Variants in ARHGEF40 observed in about 807,000 individuals in gnomAD.
The protein encoded by ARHGEF40 is Rho guanine nucleotide exchange factor 40, also known as Rho guanine nucleotide exchange factor (GEF) 40.
ARHGEF40 carries 98 observed loss-of-function variants against 165.9 expected under a neutral mutation model. The observed-to-expected ratio is 0.59, with a 90% CI of 0.50 to 0.70. ARHGEF40 has a LOEUF of 0.70. Ranked by LOEUF, ARHGEF40 falls within the 30% of genes least tolerant of loss-of-function variation. The pLI is 0.00. For synonymous variants in ARHGEF40, 792 were observed against 814.3 expected (o/e 0.97, Z 0.47); for missense variants, 1,815 against 1,968.0 (o/e 0.92, Z 1.47).
At chr14:21,081,379 G>A (rs1887879066) in intron 13 of ARHGEF40, 130 bp from the exon 14 acceptor site, 3 of 1,315,844 alleles carry the variant, frequency 2.3e-6, no homozygotes, top group Admixed American at 2.2e-5. Flanking sequence ...GTGGAACAGT[G>A]AGAAAACAGG....
Position 21,070,938 on chromosome 14 carries a change from G to T in ARHGEF40, c.3+539G>T. On this transcript the variant is annotated intron_variant, in intron 1 of 23. Coordinates refer to ENST00000298694, the MANE Select transcript of ARHGEF40 (RefSeq NM_018071.5). This position sits in a 1 kb window ranked among gnomAD's most constrained non-coding sequence, Gnocchi z 4.7. ...GTGGCTGGGCCGGGTCCCGGGGCAT[G>T]GCCAAAGAGGGAAATTCCCGCAGAG... 1 of 1,351,172 alleles carries T rather than the reference G, an allele frequency of 7.4e-7. No individual in the cohort carries two copies. Among genetic ancestry groups the T allele is most frequent in the Non-Finnish European group, 1.0e-6 (1 of 982,246 alleles). The allele number at this position is 1,351,172 out of a possible 1,614,324, so 83.7% of individuals were successfully genotyped here.
Position 21,070,966 on chromosome 14 carries a change from A to G in ARHGEF40, c.3+567A>G. ...CAAAGAGGGAAATTCCCGCAGAGAAAAAGAGCTGCCTCAGGATAGTTGGGG... is the reference window on the plus strand; with the variant it reads ...CAAAGAGGGAAATTCCCGCAGAGAAGAAGAGCTGCCTCAGGATAGTTGGGG... On this transcript the variant is annotated intron_variant, in intron 1 of 23. Transcript: ENST00000298694. This position sits in a 1 kb window ranked among gnomAD's most constrained non-coding sequence, Gnocchi z 4.7. The G allele has an allele frequency of 1.8e-6, 2 of 1,136,980 alleles. No individual in the cohort carries two copies. Among genetic ancestry groups the G allele is most frequent in the South Asian group, 2.7e-5 (2 of 74,666 alleles). The allele number at this position is 1,136,980 out of a possible 1,614,324, so 70.4% of individuals were successfully genotyped here.
At position 21,073,380 on chromosome 14, in the gene ARHGEF40, C is replaced by G. The variant is rs1317229045; in HGVS notation, c.201+138C>G. ...ACCGATCTCTCCAGAATCACTTAAG[C>G]TTCATTCTCTGACCTCTCACAAACT... On this transcript the variant is annotated intron_variant, in intron 2 of 23. Coordinates refer to ENST00000298694, the MANE Select transcript of ARHGEF40 (RefSeq NM_018071.5). The surrounding 1 kb of genome is among the most constrained non-coding windows in gnomAD (Gnocchi z 4.6). The G allele has an allele frequency of 1.0e-6, 1 of 1,004,876 alleles. No homozygotes were observed. The highest frequency in any genetic ancestry group is 2.6e-5 in the Admixed American group (1 of 38,192). The allele number at this position is 1,004,876 out of a possible 1,614,324, so 62.2% of individuals were successfully genotyped here. A position where few individuals can be genotyped will look rare whatever the true frequency, so the allele number is the denominator to read the frequency against.
intron 20 of ARHGEF40, 24 bp from the exon 21 acceptor site, chr14:21,087,296 C>T: frequency 6.3e-7 from 1 of 1,598,412 alleles, no homozygotes; most frequent in Non-Finnish European, 8.5e-7. Context: ...CAGCACCCCA[C>T]CCCCCACTCC....
chr14:21,084,787 G>T lies in ARHGEF40; in HGVS notation c.3824G>T (p.Arg1275Leu). ...DLKEQGQLLHRDPFTVICGRK... is the reference protein window; with the variant it reads ...DLKEQGQLLHLDPFTVICGRK... ...AAGGAGCAGGGACAGCTCTTGCATC[G>T]AGACCCCTTCACTGTCATCTGTGGC... Residue 1275 changes from arginine (R) to leucine (L), a missense_variant, in exon 18 of 24, where the codon CGA (arginine) becomes CTA (leucine). Arg to Leu is a moderately radical substitution (Grantham distance 102, BLOSUM62 -2). Coordinates refer to ENST00000298694, the MANE Select transcript of ARHGEF40 (RefSeq NM_018071.5). The T allele has an allele frequency of 6.2e-7, 1 of 1,614,048 alleles. No homozygotes were observed. Among genetic ancestry groups the T allele is most frequent in the Non-Finnish European group, 8.5e-7 (1 of 1,180,016 alleles).
chr14:21,087,896 T>C lies in ARHGEF40; in HGVS notation c.4388-72T>C. On this transcript the variant is annotated intron_variant, in intron 21 of 23. Transcript: ENST00000298694. The stretch of plus-strand genomic sequence containing the variant: ...TGCTATGGAGCTTTTTCTTCCCTGA[T>C]GGAGCAGCTTGGTTGCTTAAGGTAA... 8.7e-6 allele frequency: 14 copies of C among 1,601,814 alleles called. No homozygotes were observed. The South Asian group carries it at 1.5e-4, about 18-fold the overall frequency.
rs74584322 is a variant in ARHGEF40, at chr14:21,088,862, G to A, written c.4551G>A (p.Thr1517=). Residue 1517 remains threonine (T), a synonymous_variant, in exon 23 of 24, where the codon ACG becomes ACA. Transcript: ENST00000298694. ...CTCGAGCCCTGAGTGACCCCACCAC[G>A]CCTCTGTGACCTGGGTGAGTCAGCA... The part of the protein sequence containing the change: ...SHARALSDPT[T]PL 0.047 allele frequency: 75,771 copies of A among 1,612,618 alleles called. 2,069 individuals are homozygous for A. The highest frequency in any genetic ancestry group is 0.078 in the Middle Eastern group (470 of 6,046).
Position 21,074,095 on chromosome 14 carries a change from A to G in ARHGEF40, c.365A>G (p.Lys122Arg). ...SAAQAPRLAL[K>R]CLAPGGGRVQ... ...GCCCAAGCACCCCGACTAGCACTCA[A>G]GTGTCTGGCCCCTGGGGGTGGGCGG... is the stretch of plus-strand genomic sequence containing the variant. The change falls in exon 3 of 24, where the codon AAG becomes AGG. Residue 122 changes from lysine (K) to arginine (R), a missense_variant. Lys to Arg is a conservative substitution (Grantham distance 26). Coordinates refer to ENST00000298694, the MANE Select transcript of ARHGEF40 (RefSeq NM_018071.5). This position sits in a 1 kb window ranked among gnomAD's most constrained non-coding sequence, Gnocchi z 4.8. 5 of 1,614,106 alleles carry G rather than the reference A, an allele frequency of 3.1e-6. No individual in the cohort carries two copies. The highest frequency in any genetic ancestry group is 4.2e-6 in the Non-Finnish European group (5 of 1,180,016).
At chr14:21,081,343 C>G (rs1276329289) in intron 13 of ARHGEF40, 166 bp from the exon 14 acceptor site, 1 of 1,025,846 alleles carries the variant, frequency 9.7e-7, no homozygotes, top group Non-Finnish European at 1.4e-6. Context: ...CATACCAACT[C>G]CGAGTGACAT....
At chr14:21,068,454 A>C (rs991853278), upstream of ARHGEF40, among the ~76,000 whole-genome samples, 1 of 152,106 alleles carries the variant, frequency 6.6e-6, no homozygotes, top group Non-Finnish European at 1.5e-5. Flanking sequence ...AGTGTTCCCT[A>C]AACAATTTGC....
chr14:21,084,445 A>G (rs1888181019), intron 17 of ARHGEF40, among the ~76,000 whole-genome samples: 1 of 152,154 alleles, frequency 6.6e-6, no homozygotes, highest in Admixed American at 6.5e-5. Flanking sequence ...GAATAGACCT[A>G]TTTCCCTTTC....
Position 21,078,329 on chromosome 14 carries a change from ACT to A in ARHGEF40, c.2131-39_2131-38del, listed in dbSNP as rs753013548. On this transcript the variant is annotated intron_variant, in intron 9 of 23. Coordinates refer to ENST00000298694, the MANE Select transcript of ARHGEF40 (RefSeq NM_018071.5). ...GGATTGGGATGGGGCTGGGGTGGAG[ACT>A]CTCTGGTGGAACCCCAACTGGCAAC... The A allele has an allele frequency of 4.4e-6, 7 of 1,597,592 alleles. No homozygotes were observed. In the South Asian group the frequency reaches 4.5e-5, roughly 10 times the overall value.
In ARHGEF40 at chr14:21,087,121, C is replaced by T. The variant is rs372978048; in HGVS notation, c.4243+16C>T. The T allele has an allele frequency of 1.9e-6, 3 of 1,606,328 alleles. No individual in the cohort carries two copies. In the African/African-American group the frequency reaches 4.0e-5, roughly 21 times the overall value. Reference sequence around the variant, plus strand: ...ACTGGAAGAGGTGAGGGCCAGGGTGCTGGGGGGTGGCCCCCAGGAGTGAAG... The same window carrying T: ...ACTGGAAGAGGTGAGGGCCAGGGTGTTGGGGGGTGGCCCCCAGGAGTGAAG... On this transcript the variant is annotated intron_variant, in intron 20 of 23. Coordinates refer to ENST00000298694, the MANE Select transcript of ARHGEF40 (RefSeq NM_018071.5).
rs756433003 is a variant in ARHGEF40 at position 21,080,781 on chromosome 14, A to C, written c.2495A>C (p.Gln832Pro). ...TTCCGTGCTTTCAGCGCTGAGGTCC[A>C]GGTGAGAAGGGGCTGGAGGGCAGGT... Reference protein sequence around the residue: ...LRFRAFSAEVQERLAQAREAL... With the variant: ...LRFRAFSAEVPERLAQAREAL... The change falls in exon 12 of 24, where the codon CAG becomes CCG. Residue 832 changes from glutamine to proline, a missense_variant and splice_region_variant. Physicochemically the swap from Gln to Pro is moderately conservative, Grantham distance 76. Coordinates refer to ENST00000298694, the MANE Select transcript of ARHGEF40 (RefSeq NM_018071.5). 1 of 1,605,554 alleles carries C rather than the reference A, an allele frequency of 6.2e-7. No homozygotes were observed. Among genetic ancestry groups the C allele is most frequent in the Admixed American group, 1.7e-5 (1 of 59,512 alleles).
chr14:21,086,953 A>C, intron 19 of ARHGEF40, 48 bp from the exon 20 acceptor site: 1 of 1,478,306 alleles, frequency 6.8e-7, no homozygotes, highest in Non-Finnish European at 9.3e-7. Flanking sequence ...TGCTAGGGCT[A>C]GAGAGAAGGG....
In ARHGEF40 at chr14:21,073,238, C is replaced by CCTG. The variant is rs1170697812; in HGVS notation, c.198_200dup (p.Cys67dup). On this transcript the variant is annotated inframe_insertion, in exon 2 of 24. Transcript: ENST00000298694. The surrounding 1 kb of genome is among the most constrained non-coding windows in gnomAD (Gnocchi z 4.6). ...CTGCTTGCCAAGGTCCAGCAGGAAG[C>CCTG]CTGTGTGAGTGGCCGTGCATCACTA... is the stretch of plus-strand genomic sequence containing the variant. The CCTG allele has an allele frequency of 4.4e-6, 7 of 1,607,124 alleles. No homozygotes were observed. The highest frequency in any genetic ancestry group is 5.9e-6 in the Non-Finnish European group (7 of 1,177,122).
chr14:21,087,121 C>G lies in ARHGEF40; in HGVS notation c.4243+16C>G. 1 of 1,606,448 alleles carries G rather than the reference C, an allele frequency of 6.2e-7. No individual in the cohort carries two copies. Among genetic ancestry groups the G allele is most frequent in the East Asian group, 2.2e-5 (1 of 44,624 alleles). On this transcript the variant is annotated intron_variant, in intron 20 of 23. Coordinates refer to ENST00000298694, the MANE Select transcript of ARHGEF40 (RefSeq NM_018071.5). ...ACTGGAAGAGGTGAGGGCCAGGGTG[C>G]TGGGGGGTGGCCCCCAGGAGTGAAG...
intron 23 of ARHGEF40, 31 bp from the exon 24 acceptor site, chr14:21,088,983 A>G (rs542901030): frequency 5.4e-6 from 6 of 1,113,458 alleles, no homozygotes; most frequent in African/African-American, 4.7e-5. Context: ...CCCTCTCCCA[A>G]CTCATCTCCC....
chr14:21,079,125 C>A, intron 11 of ARHGEF40, 115 bp downstream of exon 11: 1 of 1,324,836 alleles, frequency 7.5e-7, no homozygotes. Flanking sequence ...GTTGAACGCC[C>A]CTCCCTCCTC....
Sources: allele counts gnomAD v4.1 joint callset (sites outside exome capture counted in the v4.1 genomes callset), GRCh38; gene constraint gnomAD v4.1.1; non-coding constraint Gnocchi (gnomAD v3.1); transcripts MANE v1.5; gene names NCBI Gene and HGNC (gene_info 2026-07-23, HGNC 2026-07-21).